Variants in TENM1 observed in about 807,000 individuals in gnomAD.
TENM1 encodes the protein teneurin transmembrane protein 1.
Under a neutral mutation model 174.8 loss-of-function variants are expected in TENM1, and 35 were observed. That is an observed-to-expected ratio of 0.20 (90% CI 0.15 to 0.27). The LOEUF (loss-of-function observed/expected upper bound fraction) is 0.27, where lower values mean the gene tolerates loss of function less well. Ranked by LOEUF, TENM1 falls within the 10% of genes least tolerant of loss-of-function variation. TENM1 has a pLI of 1.00. For missense variants in TENM1, 1,633 were observed against 2,130.1 expected, an observed-to-expected ratio of 0.77 and a Z score of 4.59; for synonymous variants, 781 against 798.7, an observed-to-expected ratio of 0.98 and a Z score of 0.37.
At chrX:124,381,265 C>T (rs780516695) in exon 32 of TENM1, 1 of 1,200,301 alleles carries the variant, frequency 8.3e-7, no homozygotes, top group South Asian at 1.8e-5. Context: ...TGAGCTGTTT[C>T]TGGAGTTCAC....
chrX:124,719,368 TA>T (rs200435891), intron 4 of TENM1, among the ~76,000 whole-genome samples: 3,052 of 109,744 alleles, frequency 0.028, 116 homozygotes, highest in African/African-American at 0.095. Context: ...TTTGTAACAA[TA>T]AAAAAAAATT....
At chrX:125,136,233 T>C in the TENM1 span, among the ~76,000 whole-genome samples, 30,811 of 110,001 alleles carry the variant, frequency 0.28, 4,026 homozygotes, top group African/African-American at 0.49. Flanking sequence ...CTGATCCTGA[T>C]GGAACAGAAA....
chrX:124,912,492 G>A (rs1272661560), intron 1 of TENM1, among the ~76,000 whole-genome samples: 1 of 110,499 alleles, frequency 9.0e-6, no homozygotes, highest in East Asian at 2.8e-4. Context: ...GTTTTATTTT[G>A]TTGGGGGGAA....
chrX:125,172,072 A>T, the TENM1 span, among the ~76,000 whole-genome samples: 2 of 111,922 alleles, frequency 1.8e-5, no homozygotes, highest in East Asian at 5.6e-4. Context: ...CTAGATAAAG[A>T]GAATTAGACA....
chrX:124,492,610 T>C (rs779996027), intron 20 of TENM1, among the ~76,000 whole-genome samples: 12 of 110,944 alleles, frequency 1.1e-4, no homozygotes, highest in Non-Finnish European at 1.3e-4. Flanking sequence ...TGGTTTTGAA[T>C]ATAGTCAAAC....
intron 11 of TENM1, among the ~76,000 whole-genome samples, chrX:124,576,108 G>A (rs1214887503): frequency 1.8e-5 from 2 of 110,654 alleles, no homozygotes; most frequent in Non-Finnish European, 3.8e-5. Flanking sequence ...CACCCAGGCT[G>A]GAGTGCAGTG....
the TENM1 span, among the ~76,000 whole-genome samples, chrX:125,130,928 G>C: frequency 1.8e-5 from 2 of 111,618 alleles, no homozygotes; most frequent in African/African-American, 6.5e-5. Context: ...AAGTATGTCA[G>C]AATGTAATAG....
chrX:124,642,830 T>C (rs2051052714), intron 10 of TENM1, among the ~76,000 whole-genome samples: 1 of 112,493 alleles, frequency 8.9e-6, no homozygotes. Flanking sequence ...TTTCTAGTCT[T>C]TCTATACAAA....
At chrX:125,101,328 G>A in the TENM1 span, among the ~76,000 whole-genome samples, 1 of 111,446 alleles carries the variant, frequency 9.0e-6, no homozygotes, top group Non-Finnish European at 1.9e-5. Context: ...ATATCTCATG[G>A]AATACTGATA....
chrX:125,179,762 T>A, the TENM1 span, among the ~76,000 whole-genome samples: 1 of 110,131 alleles, frequency 9.1e-6, no homozygotes, highest in Admixed American at 9.7e-5. Flanking sequence ...AAACAGAAAC[T>A]CAAATGTAGG....
chrX:124,859,602 A>G (rs2056876618), intron 3 of TENM1, among the ~76,000 whole-genome samples: 1 of 110,899 alleles, frequency 9.0e-6, no homozygotes, highest in African/African-American at 3.3e-5. Context: ...TCCTGATGAT[A>G]ACTGTGGAAG....
chrX:124,980,291 T>C, the TENM1 span, among the ~76,000 whole-genome samples: 65 of 111,542 alleles, frequency 5.8e-4, no homozygotes, highest in Admixed American at 8.6e-4. Flanking sequence ...TTGAAAATCA[T>C]CCAAGTTATA....
At chrX:125,120,433 G>T in the TENM1 span, among the ~76,000 whole-genome samples, 1 of 110,720 alleles carries the variant, frequency 9.0e-6, no homozygotes, top group African/African-American at 3.3e-5. Flanking sequence ...ATTAAGCCCA[G>T]CATGCATCAG....
rs756744271 is a variant in TENM1, at chrX:124,585,395, C to A, written c.2078-19835G>T. Among the ~76,000 whole-genome samples the A allele has an allele frequency of 4.3e-3, 473 of 111,165 alleles. 1 individual carries two copies. Among genetic ancestry groups the A allele is most frequent in the Middle Eastern group, 0.028 (6 of 218 alleles). On this transcript the variant is annotated intron_variant, in intron 11 of 31. Transcript: ENST00000422452. ...GGATTAAGAAACTCACTCAAAACCGCTCAACTACATGGAAACTGAACAACC... is the reference window on the plus strand; with the variant it reads ...GGATTAAGAAACTCACTCAAAACCGATCAACTACATGGAAACTGAACAACC...
chrX:124,432,942 G>A (rs1569531437), intron 23 of TENM1, among the ~76,000 whole-genome samples: 2 of 112,332 alleles, frequency 1.8e-5, no homozygotes, highest in Admixed American at 9.4e-5. Context: ...ATTCTGCAAT[G>A]TGGATATACC....
chrX:124,515,355 A>G (rs890582366), intron 18 of TENM1, among the ~76,000 whole-genome samples: 2 of 111,512 alleles, frequency 1.8e-5, no homozygotes, highest in Non-Finnish European at 3.8e-5. Context: ...CCAGAGCAAT[A>G]CAGCAAGAAA....
intron 2 of TENM1, among the ~76,000 whole-genome samples, chrX:124,895,062 A>T (rs1418110023): frequency 1.8e-5 from 2 of 111,522 alleles, no homozygotes; most frequent in Non-Finnish European, 3.8e-5. Flanking sequence ...GCAACCTCTA[A>T]TTCCTGATTA....
At chrX:124,871,954 C>T in intron 3 of TENM1, among the ~76,000 whole-genome samples, 1 of 107,424 alleles carries the variant, frequency 9.3e-6, no homozygotes, top group Non-Finnish European at 1.9e-5. Context: ...ATCGCTTGAA[C>T]CCAGGAGGCC....
intron 11 of TENM1, among the ~76,000 whole-genome samples, chrX:124,589,599 T>C (rs1016296620): frequency 9.0e-5 from 10 of 111,070 alleles, no homozygotes; most frequent in African/African-American, 3.3e-4. Flanking sequence ...TGGAACTTGA[T>C]ATTCATCTGT....
Sources: allele counts gnomAD v4.1 joint callset (sites outside exome capture counted in the v4.1 genomes callset), GRCh38; gene constraint gnomAD v4.1.1; transcripts MANE v1.5; gene names NCBI Gene and HGNC (gene_info 2026-07-23, HGNC 2026-07-21).